HS3ST2: variants seen among roughly 807,000 people sequenced by gnomAD.
HS3ST2 encodes heparan sulfate-glucosamine 3-sulfotransferase 2, also known as heparan sulfate glucosamine 3-O-sulfotransferase 2.
A neutral mutation model predicts 26.3 loss-of-function variants in HS3ST2; 17 were observed. The observed-to-expected ratio is 0.65, with a 90% confidence interval of 0.44 to 0.97. HS3ST2 has a LOEUF of 0.97. Ranked by LOEUF, HS3ST2 falls within the 50% of genes least tolerant of loss-of-function variation. HS3ST2 has a pLI of 0.00. For missense variants in HS3ST2, 402 were observed against 501.2 expected (o/e 0.80, Z 1.89); for synonymous variants, 237 against 219.2 (o/e 1.08, Z -0.72).
At chr16:22,893,274 T>C (rs1242242854) in intron 1 of HS3ST2, among the ~76,000 whole-genome samples, 1 of 152,242 alleles carries the variant, frequency 6.6e-6, no homozygotes, top group African/African-American at 2.4e-5. Context: ...TCCTTGATGA[T>C]ATTCTGTGGT....
intron 1 of HS3ST2, 138 bp downstream of exon 1, chr16:22,815,233 G>A (rs948515157): frequency 3.4e-6 from 4 of 1,160,510 alleles, no homozygotes; most frequent in Non-Finnish European, 4.8e-6. Context: ...GCCATGGGGG[G>A]CTATAGCAGA....
At chr16:22,839,480 A>G (rs949359587) in intron 1 of HS3ST2, among the ~76,000 whole-genome samples, 1 of 152,234 alleles carries the variant, frequency 6.6e-6, no homozygotes, top group Non-Finnish European at 1.5e-5. Context: ...CATACCTTAC[A>G]GCAGCATTTC....
Position 22,881,323 on chromosome 16 carries a change from C to T in HS3ST2, c.486-33621C>T, listed in dbSNP as rs117412235. ...GCTGAGCGTTGAGAGGACACTCTGCCTGCTGCTGTGTGGAGCAGACATTTG... is the reference window on the plus strand; with the variant it reads ...GCTGAGCGTTGAGAGGACACTCTGCTTGCTGCTGTGTGGAGCAGACATTTG... On this transcript the variant is annotated intron_variant, in intron 1 of 1. Coordinates refer to ENST00000261374, the MANE Select transcript of HS3ST2 (RefSeq NM_006043.2). 5.3e-3 allele frequency among the ~76,000 whole-genome samples: 800 copies of T among 152,302 alleles called. 18 individuals are homozygous for T. The highest frequency in any genetic ancestry group is 0.03 in the East Asian group (157 of 5,172).
At chr16:22,903,398 C>T (rs370894247) in intron 1 of HS3ST2, among the ~76,000 whole-genome samples, 6 of 152,314 alleles carry the variant, frequency 3.9e-5, no homozygotes, top group Admixed American at 1.3e-4. Flanking sequence ...TCCAAAGCAT[C>T]GATGACCACG....
Position 22,814,691 on chromosome 16 carries a change from G to T in HS3ST2, c.81G>T (p.Ser27=), listed in dbSNP as rs377652349. The T allele has an allele frequency of 3.7e-6, 6 of 1,604,950 alleles. No individual in the cohort carries two copies. The highest frequency in any genetic ancestry group is 1.7e-5 in the Admixed American group (1 of 59,322). Residue 27 remains serine (S), a synonymous_variant, in exon 1 of 2, where the codon TCG becomes TCT. Coordinates refer to ENST00000261374, the MANE Select transcript of HS3ST2 (RefSeq NM_006043.2). The stretch of plus-strand genomic sequence containing the variant: ...GGCTGCTCTTCGCCTTCACGCTCTC[G>T]CTCTCCTGCACTTACCTGTGTTACA... ...ARRLLFAFTL[S]LSCTYLCYSF...
chr16:22,860,130 A>G (rs1394747116), intron 1 of HS3ST2, among the ~76,000 whole-genome samples: 1 of 152,154 alleles, frequency 6.6e-6, no homozygotes, highest in Admixed American at 6.5e-5. Context: ...TTGTGCTGCT[A>G]ATGAAGACCT....
intron 1 of HS3ST2, among the ~76,000 whole-genome samples, chr16:22,888,393 C>CTTTTTTTTCTTTTTTTTTTTTTTT (rs1902091652): frequency 1.1e-5 from 1 of 91,424 alleles, no homozygotes; most frequent in African/African-American, 4.4e-5. Flanking sequence ...TTTTTTTTTT[C>CTTTTTTTTCTTTTTTTTTTTTTTT]TTTTTTTTTT....
At chr16:22,855,367 C>A (rs1380746677) in intron 1 of HS3ST2, among the ~76,000 whole-genome samples, 3 of 152,084 alleles carry the variant, frequency 2.0e-5, no homozygotes, top group Admixed American at 2.0e-4. Context: ...ACAGATAATC[C>A]CAGCCCTGGC....
chr16:22,900,666 T>C (rs991749714), intron 1 of HS3ST2, among the ~76,000 whole-genome samples: 6 of 149,748 alleles, frequency 4.0e-5, no homozygotes, highest in African/African-American at 1.5e-4. Flanking sequence ...GAATGGTCAG[T>C]GGGGGGCAGG....
intron 1 of HS3ST2, among the ~76,000 whole-genome samples, chr16:22,827,987 C>G (rs1310236365): frequency 2.0e-5 from 3 of 151,964 alleles, no homozygotes; most frequent in Admixed American, 1.3e-4. Context: ...GATTACAGGC[C>G]TGAGCCACCG....
intron 1 of HS3ST2, among the ~76,000 whole-genome samples, chr16:22,865,049 CAAA>C (rs59256411): frequency 1.0e-3 from 50 of 50,038 alleles, no homozygotes; most frequent in South Asian, 3.4e-3. Context: ...GACCCTATCT[CAAA>C]AAAAAAAAAA....
At chr16:22,896,221 T>A (rs1902208447) in intron 1 of HS3ST2, among the ~76,000 whole-genome samples, 1 of 152,266 alleles carries the variant, frequency 6.6e-6, no homozygotes, top group Non-Finnish European at 1.5e-5. Flanking sequence ...ACTTTTCCAT[T>A]CTTGAGCTTT....
intron 1 of HS3ST2, among the ~76,000 whole-genome samples, chr16:22,840,162 A>G (rs1299407170): frequency 6.6e-6 from 1 of 152,254 alleles, no homozygotes; most frequent in Non-Finnish European, 1.5e-5. Context: ...AAAGGTAAGT[A>G]GAAGCAAATC....
intron 1 of HS3ST2, among the ~76,000 whole-genome samples, chr16:22,872,863 A>G (rs1052518662): frequency 3.3e-5 from 5 of 152,132 alleles, no homozygotes; most frequent in Non-Finnish European, 2.9e-5. Context: ...TATAAAAGCT[A>G]TTTATATAAT....
In HS3ST2 at chr16:22,916,300, T is replaced by C. The variant is rs1368443792; in HGVS notation, c.*738T>C. On this transcript the variant is annotated 3_prime_UTR_variant, in exon 2 of 2. Coordinates refer to ENST00000261374, the MANE Select transcript of HS3ST2 (RefSeq NM_006043.2). ...GTTCAGCATGCAATGGAATCATGCT[T>C]GTCCATGTGAAATAAATATGGCTCT... 6.5e-6 allele frequency: 1 copy of C among 152,722 alleles called. No homozygotes were observed. The highest frequency in any genetic ancestry group is 1.5e-5 in the Non-Finnish European group (1 of 68,074). The allele number at this position is 152,722 out of a possible 1,614,324, so 9.5% of individuals were successfully genotyped here.
intron 1 of HS3ST2, among the ~76,000 whole-genome samples, chr16:22,868,490 T>C (rs1046633671): frequency 6.6e-6 from 1 of 151,996 alleles, no homozygotes; most frequent in African/African-American, 2.4e-5. Context: ...TGGGAATGAT[T>C]ATACAAGATC....
chr16:22,830,187 A>G (rs1232702287), intron 1 of HS3ST2, among the ~76,000 whole-genome samples: 1 of 150,028 alleles, frequency 6.7e-6, no homozygotes, highest in Non-Finnish European at 1.5e-5. Flanking sequence ...CAACTTGGTC[A>G]TTGCCTCCAG....
At chr16:22,888,568 A>G (rs1902094147) in intron 1 of HS3ST2, among the ~76,000 whole-genome samples, 2 of 151,472 alleles carry the variant, frequency 1.3e-5, no homozygotes, top group African/African-American at 4.8e-5. Flanking sequence ...TTGTATTTTT[A>G]TTAGAGACAG....
At chr16:22,900,562 G>A (rs1003963504) in intron 1 of HS3ST2, among the ~76,000 whole-genome samples, 1 of 152,094 alleles carries the variant, frequency 6.6e-6, no homozygotes, top group African/African-American at 2.4e-5. Flanking sequence ...TTAGACATGG[G>A]TGTTGCTTGG....
Sources: gnomAD v4.1 joint callset for allele counts (sites outside exome capture counted in the v4.1 genomes callset) on GRCh38, gnomAD v4.1.1 for gene constraint, MANE v1.5 for transcripts, NCBI Gene and HGNC (gene_info 2026-07-23, HGNC 2026-07-21) for gene names.